Variants in GRTP1 observed in about 807,000 individuals in gnomAD.
GRTP1 encodes growth hormone-regulated TBC protein 1.
A neutral mutation model predicts 38.1 loss-of-function variants in GRTP1; 56 were observed. The ratio of observed to expected loss-of-function variants is 1.47; its 90% confidence interval spans 1.19 to 1.84. GRTP1 has a LOEUF of 1.84. Among genes scored for constraint, GRTP1 ranks in the 40% most tolerant of loss-of-function variants. The pLI is 0.00. For synonymous variants in GRTP1, 217 were observed against 189.5 expected (o/e 1.14, Z -1.19); for missense variants, 506 against 453.9 (o/e 1.11, Z -1.04).
Position 113,357,064 on chromosome 13 carries a change from C to G in GRTP1, c.182-1583G>C, listed in dbSNP as rs561139968. Among the ~76,000 whole-genome samples the G allele has an allele frequency of 4.7e-5, 7 of 148,946 alleles. No individual in the cohort carries two copies. The South Asian group carries it at 6.4e-4, about 14-fold the overall frequency. ...CAGTGGCTCATGCCTGGAATCCCAG[C>G]ACTTTGGGAGGCCAAGGTGGGCAGA... On this transcript the variant is annotated intron_variant, in intron 2 of 7. Coordinates refer to ENST00000375431, the MANE Select transcript of GRTP1 (RefSeq NM_024719.4).
At position 113,350,834 on chromosome 13, in the gene GRTP1, G is replaced by T. The variant is rs2043251277; in HGVS notation, c.465+15C>A. ...TCACAGCCACCTCATGGCGTCAGAG[G>T]GTCCCGAGGCTCACCTGGCAGTAGC... On this transcript the variant is annotated intron_variant, in intron 4 of 7. Transcript: ENST00000375431. 1 of 1,551,110 alleles carries T rather than the reference G, an allele frequency of 6.4e-7. No individual in the cohort carries two copies. The highest frequency in any genetic ancestry group is 8.8e-7 in the Non-Finnish European group (1 of 1,141,212).
chr13:113,333,930 G>T (rs553169482), intron 5 of GRTP1, among the ~76,000 whole-genome samples: 1 of 148,720 alleles, frequency 6.7e-6, no homozygotes, highest in Admixed American at 6.8e-5. Flanking sequence ...CACCTTCCAG[G>T]TTCAAGCAAC....
rs1566447539 is a variant in GRTP1, at chr13:113,363,923, G to A, written c.33-13C>T. ...GTACGGGTCGATCCTGCAAAACCGA[G>A]AGAAGGAGGCCGGCGTCCCCGAAGT... On this transcript the variant is annotated splice_polypyrimidine_tract_variant and intron_variant, in intron 1 of 7. Transcript: ENST00000375431. The A allele has an allele frequency of 1.2e-5, 20 of 1,607,336 alleles. No individual in the cohort carries two copies. Among genetic ancestry groups the A allele is most frequent in the Non-Finnish European group, 1.5e-5 (18 of 1,177,130 alleles).
chr13:113,338,267 C>T (rs2042981696), intron 5 of GRTP1, among the ~76,000 whole-genome samples: 2 of 152,098 alleles, frequency 1.3e-5, no homozygotes, highest in African/African-American at 4.8e-5. Flanking sequence ...TACAAGAGGC[C>T]GCGGGTGTGG....
At chr13:113,359,699 T>C (rs1595516822) in intron 2 of GRTP1, 1 of 152,146 alleles carries the variant, frequency 6.6e-6, no homozygotes. Context: ...CGTGCCTTGG[T>C]TTCCTCATCG....
At position 113,342,845 on chromosome 13, in the gene GRTP1, A is replaced by C. The variant is rs2043045086; in HGVS notation, c.562+2018T>G. Among the ~76,000 whole-genome samples the C allele has an allele frequency of 1.3e-5, 2 of 152,138 alleles. No homozygotes were observed. The highest frequency in any genetic ancestry group is 2.9e-5 in the Non-Finnish European group (2 of 68,026). On this transcript the variant is annotated intron_variant, in intron 5 of 7. Coordinates refer to ENST00000375431, the MANE Select transcript of GRTP1 (RefSeq NM_024719.4). This position sits in a 1 kb window ranked among gnomAD's most constrained non-coding sequence, Gnocchi z 4.5. ...TCTTTTTGAATCCAGACCTATTTGC[A>C]TTGCAGTTTCGTTCAACTTAATCTC...
intron 5 of GRTP1, among the ~76,000 whole-genome samples, chr13:113,334,280 ACAGC>A (rs2042924369): frequency 8.4e-5 from 12 of 142,576 alleles, no homozygotes; most frequent in African/African-American, 2.5e-4. Context: ...CACTGCCACG[ACAGC>A]CTCCCGCCCA....
chr13:113,337,806 G>A (rs556580133), intron 5 of GRTP1, among the ~76,000 whole-genome samples: 4 of 152,302 alleles, frequency 2.6e-5, no homozygotes, highest in Admixed American at 6.5e-5. Context: ...AACCCCACTC[G>A]GGAGGACGCA....
chr13:113,332,609 G>GT (rs887951231), intron 5 of GRTP1, among the ~76,000 whole-genome samples: 2 of 152,216 alleles, frequency 1.3e-5, no homozygotes, highest in African/African-American at 4.8e-5. Context: ...CCACCCGACG[G>GT]TCTTCAAGCA....
intron 4 of GRTP1, among the ~76,000 whole-genome samples, chr13:113,345,939 TG>T (rs2043098410): frequency 6.6e-6 from 1 of 150,488 alleles, no homozygotes; most frequent in Admixed American, 6.6e-5. Flanking sequence ...ACGGAAATGC[TG>T]GGAAGACCTC....
intron 3 of GRTP1, 106 bp downstream of exon 3, chr13:113,355,217 A>T (rs2043360476): frequency 9.0e-7 from 1 of 1,117,220 alleles, no homozygotes; most frequent in Non-Finnish European, 1.3e-6. Flanking sequence ...AGTTAAAAGC[A>T]GCAGGCGCAC....
At position 113,346,134 on chromosome 13, in the gene GRTP1, A is replaced by AG. The variant is rs2043113614; in HGVS notation, c.466-1176_466-1175insC. 2.3e-3 allele frequency among the ~76,000 whole-genome samples: 96 copies of AG among 41,950 alleles called. 2 individuals carry two copies. Among genetic ancestry groups the AG allele is most frequent in the South Asian group, 4.9e-3 (5 of 1,024 alleles). The allele number at this position is 41,950 out of a possible 152,430, so 27.5% of individuals were successfully genotyped here. On this transcript the variant is annotated intron_variant, in intron 4 of 7. Coordinates refer to ENST00000375431, the MANE Select transcript of GRTP1 (RefSeq NM_024719.4). Reference sequence around the variant, plus strand: ...CAGACCCGGGAGGACCTCTGTGGACAAGAGCAGACCCGGGAGGACCTCTGT... The same window carrying AG: ...CAGACCCGGGAGGACCTCTGTGGACAGAGAGCAGACCCGGGAGGACCTCTGT...
Position 113,340,270 on chromosome 13 carries a change from G to A in GRTP1, c.562+4593C>T, listed in dbSNP as rs569924859. Among the ~76,000 whole-genome samples the A allele has an allele frequency of 5.9e-5, 9 of 152,088 alleles. No homozygotes were observed. The South Asian group carries it at 1.2e-3, about 21-fold the overall frequency. ...GCAGGAGGACTACTTGAGGCCAGGT[G>A]TTCAAGGCCAGCCTGGGCAACATAG... On this transcript the variant is annotated intron_variant, in intron 5 of 7. Coordinates refer to ENST00000375431, the MANE Select transcript of GRTP1 (RefSeq NM_024719.4).
Position 113,352,337 on chromosome 13 carries a change from T to TTATATATATATTTATATATATTATA in GRTP1, c.341-1365_341-1364insTATAATATATATAAATATATATATA, listed in dbSNP as rs2043296425. 4.3e-4 allele frequency among the ~76,000 whole-genome samples: 22 copies of TTATATATATATTTATATATATTATA among 51,558 alleles called. 1 individual carries two copies. The highest frequency in any genetic ancestry group is 1.6e-3 in the African/African-American group (22 of 13,760). 33.8% of individuals were successfully genotyped at this position (51,558 alleles called of 152,430 possible). ...TTTTATATATATTTTTATATATATT[T>TTATATATATATTTATATATATTATA]TATATATATATTTATATATATTTTA... On this transcript the variant is annotated intron_variant, in intron 3 of 7. Coordinates refer to ENST00000375431, the MANE Select transcript of GRTP1 (RefSeq NM_024719.4).
chr13:113,355,439 G>A lies in GRTP1; in HGVS notation c.224C>T (p.Ala75Val). 6.2e-7 allele frequency: 1 copy of A among 1,613,872 alleles called. No homozygotes were observed. The highest frequency in any genetic ancestry group is 8.5e-7 in the Non-Finnish European group (1 of 1,179,870). ...VRKGVPLEHRARVWMVLSGAQ... is the reference protein window; with the variant it reads ...VRKGVPLEHRVRVWMVLSGAQ... Reference sequence around the variant, plus strand: ...CCCACTCAGCACCATCCAGACGCGGGCACGGTGCTCCAGCGGGACCCCTTT... The same window carrying A: ...CCCACTCAGCACCATCCAGACGCGGACACGGTGCTCCAGCGGGACCCCTTT... Residue 75 changes from alanine to valine, a missense_variant, in exon 3 of 8, where the codon GCC becomes GTC. Ala to Val is a moderately conservative substitution (Grantham distance 64). Transcript: ENST00000375431.
At chr13:113,361,822 T>C (rs1190615917) in intron 2 of GRTP1, 1 of 152,210 alleles carries the variant, frequency 6.6e-6, no homozygotes, top group East Asian at 1.9e-4. Context: ...TTATATACTT[T>C]TACGTTACTT....
At chr13:113,352,349 T>TTA in intron 3 of GRTP1, among the ~76,000 whole-genome samples, 1 of 107,132 alleles carries the variant, frequency 9.3e-6, no homozygotes, top group Non-Finnish European at 1.8e-5. Context: ...ATATATATAT[T>TTA]TATATATATT....
chr13:113,324,516 C>A lies in GRTP1; in HGVS notation c.983G>T (p.Cys328Phe). The stretch of plus-strand genomic sequence containing the variant: ...CCCCTGTGCCAGCAGCCGGGCCCTG[C>A]AGCTCTCGCGGAGCTTGGCGACGGT... ...MATVAKLRES[C>F]RARLLAQG The change falls in exon 8 of 8, where the codon TGC (cysteine) becomes TTC (phenylalanine). Residue 328 changes from cysteine to phenylalanine, a missense_variant. Physicochemically the swap from Cys to Phe is radical, Grantham distance 205. Transcript: ENST00000375431. 1.2e-6 allele frequency: 2 copies of A among 1,611,512 alleles called. No individual in the cohort carries two copies. The highest frequency in any genetic ancestry group is 1.7e-6 in the Non-Finnish European group (2 of 1,179,074).
intron 2 of GRTP1, among the ~76,000 whole-genome samples, chr13:113,359,257 C>T (rs941831012): frequency 3.9e-5 from 6 of 152,156 alleles, no homozygotes; most frequent in African/African-American, 9.7e-5. Context: ...TTGTTGAAGG[C>T]GACAGAATCT....
Sources: allele counts gnomAD v4.1 joint callset (sites outside exome capture counted in the v4.1 genomes callset), GRCh38; gene constraint gnomAD v4.1.1; non-coding constraint Gnocchi (gnomAD v3.1); transcripts MANE v1.5; gene names NCBI Gene and HGNC (gene_info 2026-07-23, HGNC 2026-07-21).